SF1: variants seen among roughly 807,000 people sequenced by gnomAD.
SF1 encodes branch point-binding protein.
SF1 carries 7 observed loss-of-function variants against 62.5 expected under a neutral mutation model. The ratio of observed to expected loss-of-function variants is 0.11; its 90% CI spans 0.06 to 0.21. SF1 has a LOEUF of 0.21. Among genes scored for constraint, SF1 ranks in the 10% least tolerant of loss-of-function variants. The pLI, the probability that SF1 is intolerant of heterozygous loss-of-function variation, is 1.00. For synonymous variants in SF1, 394 were observed against 323.6 expected, an observed-to-expected ratio of 1.22 and a Z score of -2.33; for missense variants, 578 against 884.0, an observed-to-expected ratio of 0.65 and a Z score of 4.39.
chr11:64,775,113 G>A (rs1262717614), intron 2 of SF1, among the ~76,000 whole-genome samples: 1 of 152,148 alleles, frequency 6.6e-6, no homozygotes, highest in East Asian at 1.9e-4. Context: ...AACAACTCGA[G>A]GTGAAAGTCA....
Position 64,767,026 on chromosome 11 carries a change from T to C in SF1, c.1456A>G (p.Ser486Gly). 1 of 1,547,596 alleles carries C rather than the reference T, an allele frequency of 6.5e-7. No individual in the cohort carries two copies. The highest frequency in any genetic ancestry group is 8.7e-7 in the Non-Finnish European group (1 of 1,145,268). Residue 486 changes from serine (S) to glycine (G), a missense_variant, in exon 12 of 13, where the codon AGT becomes GGT. This residue lies in a region of SF1 where 410 missense variants were observed against 452.4 expected (regional missense o/e 0.91). Coordinates refer to ENST00000377390, the MANE Select transcript of SF1 (RefSeq NM_004630.4). ...GMMPPPPPPP[S>G]GQPPPPPSGP... ...GAGGGAGGGGGTGGGGGCTGCCCACTGGGAGGCGGCGGCGGCGGCGGCATC... is the reference window on the plus strand; with the variant it reads ...GAGGGAGGGGGTGGGGGCTGCCCACCGGGAGGCGGCGGCGGCGGCGGCATC...
chr11:64,765,753 G>A lies in SF1; in HGVS notation c.*65C>T. On this transcript the variant is annotated 3_prime_UTR_variant, in exon 13 of 13. Transcript: ENST00000377390. ...CCAATGTCTGGCTCCATATGGTGAG[G>A]TTCGGCGTGTTTAAACGAGACCAAT... 4 of 1,480,328 alleles carry A rather than the reference G, an allele frequency of 2.7e-6. No individual in the cohort carries two copies. The highest frequency in any genetic ancestry group is 3.6e-6 in the Non-Finnish European group (4 of 1,116,812). 91.7% of individuals were successfully genotyped at this position (1,480,328 alleles called of 1,614,324 possible).
intron 1 of SF1, chr11:64,777,945 C>G: frequency 1.0e-6 from 1 of 985,012 alleles, no homozygotes; most frequent in Non-Finnish European, 1.2e-6. Context: ...GCGGCCGGGC[C>G]CGTCCGCGCG....
Position 64,765,343 on chromosome 11 carries a change from T to C in SF1, c.*475A>G. On this transcript the variant is annotated 3_prime_UTR_variant, in exon 13 of 13. Transcript: ENST00000377390. Reference sequence around the variant, plus strand: ...AAAAAGAAAAAAATTAATAAAAATTTCACGATATGGAGCCAGCGTGTTCCG... The same window carrying C: ...AAAAAGAAAAAAATTAATAAAAATTCCACGATATGGAGCCAGCGTGTTCCG... 2 of 737,488 alleles carry C rather than the reference T, an allele frequency of 2.7e-6. No homozygotes were observed. Among genetic ancestry groups the C allele is most frequent in the East Asian group, 5.3e-5 (2 of 37,400 alleles). The allele number at this position is 737,488 out of a possible 1,614,324, so 45.7% of individuals were successfully genotyped here.
At chr11:64,778,098 GC>G in intron 1 of SF1, 1 of 936,384 alleles carries the variant, frequency 1.1e-6, no homozygotes, top group Non-Finnish European at 1.3e-6. Flanking sequence ...GGCGGCTGCG[GC>G]GGCGGGTACG....
rs2058791591 is a variant in SF1, at chr11:64,767,808, T to C, written c.1105A>G (p.Met369Val). The C allele has an allele frequency of 5.0e-6, 8 of 1,613,616 alleles. No individual in the cohort carries two copies. The highest frequency in any genetic ancestry group is 6.8e-6 in the Non-Finnish European group (8 of 1,179,784). ...MSTTQSRPPW[M>V]NSGPSESRPY... ...CGACTCTCTGAAGGGCCAGAATTCA[T>C]CCAGGGTGGGCGGCTCTGGGTGGTA... Residue 369 changes from methionine (M) to valine (V), a missense_variant, in exon 10 of 13, where the codon ATG becomes GTG. Physicochemically the swap from Met to Val is conservative, Grantham distance 21. Transcript: ENST00000377390.
Position 64,767,222 on chromosome 11 carries a change from A to G in SF1, c.1372T>C (p.Ser458Pro). 6.2e-7 allele frequency: 1 copy of G among 1,614,116 alleles called. No homozygotes were observed. ...CCTTGATGCAGGCGATAGACCCCAGAGCCCACAGGCGTACTTCCCAGGTAC... is the reference window on the plus strand; with the variant it reads ...CCTTGATGCAGGCGATAGACCCCAGGGCCCACAGGCGTACTTCCCAGGTAC... ...DQYLGSTPVG[S>P]GVYRLHQGKG... The change falls in exon 11 of 13, where the codon TCT becomes CCT. Residue 458 changes from serine to proline, a missense_variant. Around this residue, in one of 7 missense-constraint regions of SF1, gnomAD observed 410 missense variants for 452.4 expected, o/e 0.91. Transcript: ENST00000377390.
chr11:64,769,678 C>G, intron 5 of SF1, 69 bp from the exon 6 acceptor site: 1 of 1,426,890 alleles, frequency 7.0e-7, no homozygotes, highest in Middle Eastern at 1.8e-4. Flanking sequence ...GAGGCTGGAC[C>G]AATTTGGCAT....
In SF1 at chr11:64,766,103, T is replaced by C; in HGVS notation, c.1635A>G (p.Gln545=). 1 of 1,610,884 alleles carries C rather than the reference T, an allele frequency of 6.2e-7. No individual in the cohort carries two copies. The change falls in exon 13 of 13, where the codon CAA becomes CAG. Residue 545 remains glutamine, a synonymous_variant. Coordinates refer to ENST00000377390, the MANE Select transcript of SF1 (RefSeq NM_004630.4). ...SAGTGSIPPW[Q]QQQAAAAASP... Reference sequence around the variant, plus strand: ...AAGCTGCGGCAGCCGCCTGCTGCTGTTGCCATGGCGGGATGGACCCTGTGC... The same window carrying C: ...AAGCTGCGGCAGCCGCCTGCTGCTGCTGCCATGGCGGGATGGACCCTGTGC...
In SF1 at chr11:64,767,813, G is replaced by A. The variant is rs770022222; in HGVS notation, c.1100C>T (p.Pro367Leu). The A allele has an allele frequency of 1.2e-6, 2 of 1,613,802 alleles. No individual in the cohort carries two copies. The highest frequency in any genetic ancestry group is 1.7e-6 in the Non-Finnish European group (2 of 1,179,820). Residue 367 changes from proline (P) to leucine (L), a missense_variant, in exon 10 of 13, where the codon CCC becomes CTC. Coordinates refer to ENST00000377390, the MANE Select transcript of SF1 (RefSeq NM_004630.4). The stretch of plus-strand genomic sequence containing the variant: ...CTCTGAAGGGCCAGAATTCATCCAG[G>A]GTGGGCGGCTCTGGGTGGTAGACAT... ...SLMSTTQSRPPWMNSGPSESR... is the reference protein window; with the variant it reads ...SLMSTTQSRPLWMNSGPSESR...
At chr11:64,772,619 T>G (rs1938509988) in intron 3 of SF1, 2 of 985,130 alleles carry the variant, frequency 2.0e-6, no homozygotes, top group Non-Finnish European at 2.4e-6. Context: ...AAGAGAAAAT[T>G]CAGTGAGAGG....
intron 1 of SF1, chr11:64,778,126 T>TGGCGGTGGA (rs1565590990): frequency 4.0e-6 from 3 of 743,290 alleles, no homozygotes; most frequent in African/African-American, 4.1e-5. Flanking sequence ...CGGGGGACGG[T>TGGCGGTGGA]GGCGGTGGAG....
chr11:64,766,220 G>T, intron 12 of SF1, 65 bp from the exon 13 acceptor site: 2 of 1,382,468 alleles, frequency 1.4e-6, no homozygotes, highest in Non-Finnish European at 2.0e-6. Context: ...TGCGGCTGCT[G>T]CCTTGGGATG....
Position 64,765,370 on chromosome 11 carries a change from T to C in SF1, c.*448A>G. On this transcript the variant is annotated 3_prime_UTR_variant, in exon 13 of 13. Coordinates refer to ENST00000377390, the MANE Select transcript of SF1 (RefSeq NM_004630.4). ...ACGATATGGAGCCAGCGTGTTCCGA[T>C]TCCGTCCACAAAAATAACTCAGGCT... 1.0e-6 allele frequency: 1 copy of C among 984,166 alleles called. No individual in the cohort carries two copies. The highest frequency in any genetic ancestry group is 1.4e-5 in the South Asian group (1 of 73,874). 61.0% of individuals were successfully genotyped at this position (984,166 alleles called of 1,614,324 possible).
At chr11:64,777,756 G>C (rs1050617123) in intron 1 of SF1, 7 of 985,456 alleles carry the variant, frequency 7.1e-6, no homozygotes, top group Admixed American at 6.1e-5. Context: ...CCACCTCACT[G>C]CGTCTGCGCA....
At chr11:64,767,420 T>G in intron 10 of SF1, 151 bp downstream of exon 10, 1 of 1,033,278 alleles carries the variant, frequency 9.7e-7, no homozygotes, top group Non-Finnish European at 1.5e-6. Context: ...CAGAATGGAG[T>G]CTTGCTCCTT....
chr11:64,765,731 ATGTC>A lies in SF1; in HGVS notation c.*83_*86del, dbSNP rs1344120841. The A allele has an allele frequency of 2.7e-6, 4 of 1,466,058 alleles. No individual in the cohort carries two copies. Among genetic ancestry groups the A allele is most frequent in the Non-Finnish European group, 3.6e-6 (4 of 1,109,866 alleles). 90.8% of individuals were successfully genotyped at this position (1,466,058 alleles called of 1,614,324 possible). ...CACACAATCACATGCGTGCGTCCCA[ATGTC>A]TGGCTCCATATGGTGAGGTTCGGCG... On this transcript the variant is annotated 3_prime_UTR_variant, in exon 13 of 13. Coordinates refer to ENST00000377390, the MANE Select transcript of SF1 (RefSeq NM_004630.4).
At chr11:64,775,741 C>CT (rs1431001653) in intron 2 of SF1, among the ~76,000 whole-genome samples, 5 of 151,982 alleles carry the variant, frequency 3.3e-5, no homozygotes, top group South Asian at 4.2e-4. Context: ...GCATTAAAAA[C>CT]TTTTTTTTCC....
chr11:64,773,342 T>C lies in SF1; in HGVS notation c.236+88A>G, dbSNP rs192466871. On this transcript the variant is annotated intron_variant, in intron 3 of 12. Coordinates refer to ENST00000377390, the MANE Select transcript of SF1 (RefSeq NM_004630.4). ...TACAGTCGTCATACTATGATTTTAT[T>C]GAACTGACACAATATGTTGCCACCA... 2.9e-5 allele frequency: 45 copies of C among 1,548,668 alleles called. 1 individual carries two copies. In the East Asian group the frequency reaches 1.1e-3, roughly 37 times the overall value.
Sources: allele counts gnomAD v4.1 joint callset (sites outside exome capture counted in the v4.1 genomes callset), GRCh38; gene constraint gnomAD v4.1.1; regional missense constraint gnomAD v4.1.1; transcripts MANE v1.5; gene names NCBI Gene and HGNC (gene_info 2026-07-23, HGNC 2026-07-21).